Variants in DPCD observed in about 807,000 individuals in gnomAD.
The protein encoded by DPCD is deleted in primary ciliary dyskinesia homolog (mouse).
DPCD carries 20 observed loss-of-function variants against 26.4 expected under a neutral mutation model. The ratio of observed to expected loss-of-function variants is 0.76; its 90% CI spans 0.53 to 1.10. DPCD has a LOEUF of 1.10. Ranked by LOEUF, DPCD falls within the 50% of genes least tolerant of loss-of-function variation. The pLI is 0.00. For synonymous variants in DPCD, 97 were observed against 94.2 expected, an observed-to-expected ratio of 1.03 and a Z score of -0.17; for missense variants, 202 against 253.9, an observed-to-expected ratio of 0.80 and a Z score of 1.39.
At chr10:101,602,972 T>C (rs1185533768) in intron 4 of DPCD, among the ~76,000 whole-genome samples, 1 of 152,250 alleles carries the variant, frequency 6.6e-6, no homozygotes, top group African/African-American at 2.4e-5. Flanking sequence ...TAGGTGGCGC[T>C]GTTGGCCAGG....
In DPCD at chr10:101,601,347, T is replaced by C; in HGVS notation, c.404+11T>C. The C allele has an allele frequency of 6.2e-7, 1 of 1,613,162 alleles. No individual in the cohort carries two copies. The highest frequency in any genetic ancestry group is 1.1e-5 in the South Asian group (1 of 91,042). ...AACAACCAACAAGAAGTGAGTAGCG[T>C]GGAAGGCACCCTGTGTGCTTGTGTA... On this transcript the variant is annotated intron_variant, in intron 4 of 5. Transcript: ENST00000370151.
intron 2 of DPCD, among the ~76,000 whole-genome samples, chr10:101,599,906 T>A (rs2063680077): frequency 6.6e-6 from 1 of 152,134 alleles, no homozygotes. Flanking sequence ...TCAGAAAAGA[T>A]CCCCCTGCAG....
intron 4 of DPCD, among the ~76,000 whole-genome samples, chr10:101,601,818 G>T (rs2134773350): frequency 6.6e-6 from 1 of 152,228 alleles, no homozygotes; most frequent in South Asian, 2.1e-4. Flanking sequence ...AAAGCAGACT[G>T]GGCAGCAGTA....
At chr10:101,589,626 T>C (rs188255778) in intron 1 of DPCD, among the ~76,000 whole-genome samples, 1 of 152,266 alleles carries the variant, frequency 6.6e-6, no homozygotes, top group Non-Finnish European at 1.5e-5. Flanking sequence ...ACGCCTGTAA[T>C]CCCAGCATGT....
Position 101,597,628 on chromosome 10 carries a change from G to A in DPCD, c.145+2890G>A, listed in dbSNP as rs183778069. 4.6e-5 allele frequency among the ~76,000 whole-genome samples: 7 copies of A among 152,324 alleles called. No homozygotes were observed. In the East Asian group the frequency reaches 9.6e-4, roughly 21 times the overall value. On this transcript the variant is annotated intron_variant, in intron 2 of 5. Coordinates refer to ENST00000370151, the MANE Select transcript of DPCD (RefSeq NM_015448.3). ...TATATTCCCCATCAGACTCTTCACC[G>A]GGGTGGAAAGTCTCTTTTCCAAGGT...
chr10:101,594,665 G>A lies in DPCD; in HGVS notation c.72G>A (p.Arg24=), dbSNP rs2063636689. The A allele has an allele frequency of 6.2e-7, 1 of 1,614,144 alleles. No individual in the cohort carries two copies. The highest frequency in any genetic ancestry group is 1.1e-5 in the South Asian group (1 of 91,078). ...QKTALLQDGR[R]KVHYLFPDGK... ...TCTCTGTTTTGTGCATAGGGAGAAGGAAGGTTCACTATTTATTCCCAGACG... is the reference window on the plus strand; with the variant it reads ...TCTCTGTTTTGTGCATAGGGAGAAGAAAGGTTCACTATTTATTCCCAGACG... The change falls in exon 2 of 6, where the codon AGG becomes AGA. Residue 24 remains arginine (R), a synonymous_variant. Transcript: ENST00000370151.
Position 101,601,160 on chromosome 10 carries a change from C to T in DPCD, c.271-43C>T, listed in dbSNP as rs766159272. 9 of 1,611,540 alleles carry T rather than the reference C, an allele frequency of 5.6e-6. No homozygotes were observed. In the Admixed American group the frequency reaches 1.0e-4, roughly 18 times the overall value. Reference sequence around the variant, plus strand: ...GCGCTCTGATGAGGGTGGAGCCTTCCCTTCCCCAGGAACAGTCCTCGAGTT... The same window carrying T: ...GCGCTCTGATGAGGGTGGAGCCTTCTCTTCCCCAGGAACAGTCCTCGAGTT... On this transcript the variant is annotated intron_variant, in intron 3 of 5. Coordinates refer to ENST00000370151, the MANE Select transcript of DPCD (RefSeq NM_015448.3).
intron 4 of DPCD, chr10:101,605,291 A>G: frequency 6.5e-7 from 1 of 1,531,740 alleles, no homozygotes; most frequent in Non-Finnish European, 8.8e-7. Flanking sequence ...TCTCCCTCTG[A>G]GGGCCTGGCC....
At chr10:101,593,217 C>A (rs2063624980) in intron 1 of DPCD, among the ~76,000 whole-genome samples, 2 of 152,130 alleles carry the variant, frequency 1.3e-5, no homozygotes, top group Non-Finnish European at 2.9e-5. Flanking sequence ...ACCTTGGATC[C>A]CGCTCCTGAC....
chr10:101,590,062 GGA>G (rs1491202126), intron 1 of DPCD, among the ~76,000 whole-genome samples: 33 of 113,804 alleles, frequency 2.9e-4, no homozygotes, highest in African/African-American at 8.5e-4. Context: ...CAAAAAAACT[GGA>G]AAAAAAAAAA....
intron 2 of DPCD, among the ~76,000 whole-genome samples, chr10:101,596,012 A>C (rs2063649191): frequency 1.3e-5 from 2 of 152,212 alleles, no homozygotes; most frequent in South Asian, 2.1e-4. Flanking sequence ...TCCTCCACAC[A>C]GAGCAAATAA....
intron 1 of DPCD, among the ~76,000 whole-genome samples, chr10:101,589,708 C>G (rs1356200252): frequency 1.3e-5 from 2 of 151,984 alleles, no homozygotes; most frequent in African/African-American, 4.8e-5. Context: ...ATGAAACCAC[C>G]CCATCGCTAC....
At chr10:101,602,767 A>G (rs2063706877) in intron 4 of DPCD, among the ~76,000 whole-genome samples, 1 of 152,258 alleles carries the variant, frequency 6.6e-6, no homozygotes, top group South Asian at 2.1e-4. Flanking sequence ...TGCTTCTGAT[A>G]GCACTTGAAT....
intron 4 of DPCD, among the ~76,000 whole-genome samples, chr10:101,605,817 T>C (rs1362663582): frequency 1.3e-5 from 2 of 152,042 alleles, no homozygotes. Flanking sequence ...GACATGGAGG[T>C]GTCAGGAGAT....
intron 2 of DPCD, among the ~76,000 whole-genome samples, chr10:101,595,602 A>G (rs1282594728): frequency 1.3e-5 from 2 of 152,174 alleles, no homozygotes. Flanking sequence ...TTTTTCTGAC[A>G]GCTCATAAAT....
intron 4 of DPCD, 131 bp from the exon 5 acceptor site, chr10:101,608,704 T>C: frequency 1.6e-6 from 1 of 639,834 alleles, no homozygotes; most frequent in Non-Finnish European, 2.8e-6. Flanking sequence ...TTCTAACTGG[T>C]TTCCCTTCTC....
At chr10:101,595,923 C>T (rs893069655) in intron 2 of DPCD, among the ~76,000 whole-genome samples, 1 of 152,196 alleles carries the variant, frequency 6.6e-6, no homozygotes, top group East Asian at 1.9e-4. Flanking sequence ...GCAGAGGTCA[C>T]GTGGACTAGC....
chr10:101,598,611 C>CTTT lies in DPCD; in HGVS notation c.146-2099_146-2097dup, dbSNP rs71016333. On this transcript the variant is annotated intron_variant, in intron 2 of 5. Transcript: ENST00000370151. ...AATACAGACATTGGGTAGATGCTTT[C>CTTT]TTTTTTTTTTTTTTTTTTTTTTTTT... 5.5e-3 allele frequency among the ~76,000 whole-genome samples: 412 copies of CTTT among 75,010 alleles called. 37 individuals are homozygous for CTTT. Among genetic ancestry groups the CTTT allele is most frequent in the South Asian group, 8.8e-3 (14 of 1,594 alleles). 49.2% of individuals were successfully genotyped at this position (75,010 alleles called of 152,430 possible). A position where few individuals can be genotyped will look rare whatever the true frequency, so the allele number is the denominator to read the frequency against.
At chr10:101,599,396 A>G (rs1385822982) in intron 2 of DPCD, among the ~76,000 whole-genome samples, 1 of 152,228 alleles carries the variant, frequency 6.6e-6, no homozygotes, top group Non-Finnish European at 1.5e-5. Flanking sequence ...AAAGTTGCCT[A>G]TAAAGCATAT....
Sources: gnomAD v4.1 joint callset for allele counts (sites outside exome capture counted in the v4.1 genomes callset) on GRCh38, gnomAD v4.1.1 for gene constraint, MANE v1.5 for transcripts, NCBI Gene and HGNC (gene_info 2026-07-23, HGNC 2026-07-21) for gene names.